Variants in ADAMTS2 observed in about 807,000 individuals in gnomAD.
The protein encoded by ADAMTS2 is A disintegrin and metalloproteinase with thrombospondin motifs 2.
A neutral mutation model predicts 123.0 loss-of-function variants in ADAMTS2; 50 were observed. The ratio of observed to expected loss-of-function variants is 0.41; its 90% CI spans 0.32 to 0.51. ADAMTS2 has a LOEUF of 0.51. Among genes scored for constraint, ADAMTS2 ranks in the 20% least tolerant of loss-of-function variants. ADAMTS2 has a pLI of 0.35. For synonymous variants in ADAMTS2, 678 were observed against 695.4 expected (o/e 0.98, Z 0.39); for missense variants, 1,494 against 1,705.2 (o/e 0.88, Z 2.18).
Position 179,341,543 on chromosome 5 carries a change from T to TAA in ADAMTS2, c.534+2222_534+2223dup, listed in dbSNP as rs71589501. On this transcript the variant is annotated intron_variant, in intron 2 of 21. Transcript: ENST00000251582. ...GTGAAACACCGTCTCTACTAAAAAT[T>TAA]AAAAAAAAAATAAAAAAAAATTAGC... Among the ~76,000 whole-genome samples the TAA allele has an allele frequency of 7.4e-5, 11 of 148,374 alleles. No homozygotes were observed. The East Asian group carries it at 1.6e-3, about 21-fold the overall frequency.
At chr5:179,274,544 C>T (rs544242591) in intron 2 of ADAMTS2, among the ~76,000 whole-genome samples, 2 of 152,240 alleles carry the variant, frequency 1.3e-5, no homozygotes, top group Non-Finnish European at 1.5e-5. Context: ...CCACACCCCC[C>T]CCAAAGTAAC....
intron 10 of ADAMTS2, among the ~76,000 whole-genome samples, chr5:179,145,813 T>C (rs925475184): frequency 1.3e-5 from 2 of 152,214 alleles, no homozygotes; most frequent in Non-Finnish European, 2.9e-5. Context: ...TAAAACTCTA[T>C]GAATACACTG....
chr5:179,136,814 C>A (rs1763074229), intron 12 of ADAMTS2, among the ~76,000 whole-genome samples: 1 of 149,942 alleles, frequency 6.7e-6, no homozygotes, highest in African/African-American at 2.5e-5. Context: ...ACAAAAAATG[C>A]AAAAATTTAG....
At chr5:179,300,479 T>C (rs1008695253) in intron 2 of ADAMTS2, among the ~76,000 whole-genome samples, 1 of 152,198 alleles carries the variant, frequency 6.6e-6, no homozygotes, top group African/African-American at 2.4e-5. Context: ...TTGTAAACAA[T>C]GGAAAACTAA....
rs371800925 is a variant in ADAMTS2, at chr5:179,176,199, G to C, written c.975+4873C>G. On this transcript the variant is annotated intron_variant, in intron 5 of 21. Transcript: ENST00000251582. ...GTTGTCCTGTTGCCCTCTGTTACTA[G>C]TTTTCTGGGGATCTGGAAAAGGAGG... 3.9e-4 allele frequency among the ~76,000 whole-genome samples: 60 copies of C among 152,250 alleles called. No individual in the cohort carries two copies. The South Asian group carries it at 0.012, about 29-fold the overall frequency.
rs1262682064 is a variant in ADAMTS2, at chr5:179,202,848, A to G, written c.891+4665T>C. ...GGAGACAGAGATGGAGGGGACTCCA[A>G]GCTCTTACCAGCCTTGGTCCACAGG... On this transcript the variant is annotated intron_variant, in intron 4 of 21. Coordinates refer to ENST00000251582, the MANE Select transcript of ADAMTS2 (RefSeq NM_014244.5). The surrounding 1 kb of genome is among the most constrained non-coding windows in gnomAD (Gnocchi z 4.0). 3.3e-5 allele frequency among the ~76,000 whole-genome samples: 5 copies of G among 152,286 alleles called. No individual in the cohort carries two copies. Among genetic ancestry groups the G allele is most frequent in the African/African-American group, 1.2e-4 (5 of 41,560 alleles).
intron 10 of ADAMTS2, among the ~76,000 whole-genome samples, chr5:179,149,646 G>C (rs1169995303): frequency 6.6e-6 from 1 of 152,212 alleles, no homozygotes; most frequent in Non-Finnish European, 1.5e-5. Context: ...GGGTGGGAGA[G>C]AAGATGATTG....
chr5:179,163,021 C>T (rs980414763), intron 5 of ADAMTS2, among the ~76,000 whole-genome samples: 2 of 152,152 alleles, frequency 1.3e-5, no homozygotes, highest in African/African-American at 4.8e-5. Context: ...AGTCAAGAGT[C>T]CAGCCAGAAA....
chr5:179,124,968 C>T lies in ADAMTS2; in HGVS notation c.2958+5G>A, dbSNP rs370239549. ...CTGAGGACACGGGATCGGGGGATTG[C>T]GTACCTGGGACCAGGGCCCGGCTCG... is the stretch of plus-strand genomic sequence containing the variant. On this transcript the variant is annotated splice_donor_5th_base_variant and intron_variant, in intron 19 of 21. Transcript: ENST00000251582. The T allele has an allele frequency of 1.6e-5, 25 of 1,601,492 alleles. No individual in the cohort carries two copies. Among genetic ancestry groups the T allele is most frequent in the Admixed American group, 1.0e-4 (6 of 57,168 alleles).
At chr5:179,273,355 C>T (rs955352391) in intron 2 of ADAMTS2, among the ~76,000 whole-genome samples, 1 of 152,014 alleles carries the variant, frequency 6.6e-6, no homozygotes, top group African/African-American at 2.4e-5. Flanking sequence ...AAAGTCAAAA[C>T]CGTCCAGAGA....
intron 2 of ADAMTS2, among the ~76,000 whole-genome samples, chr5:179,278,637 T>C (rs1410158967): frequency 6.6e-6 from 1 of 151,992 alleles, no homozygotes; most frequent in Non-Finnish European, 1.5e-5. Flanking sequence ...TGGCTCTAAG[T>C]GTGAGTCCCA....
intron 2 of ADAMTS2, among the ~76,000 whole-genome samples, chr5:179,286,733 C>T (rs748807678): frequency 3.3e-5 from 5 of 152,290 alleles, no homozygotes; most frequent in Admixed American, 1.3e-4. Context: ...CAGCACAGGC[C>T]GGGGCTTGAA....
intron 5 of ADAMTS2, among the ~76,000 whole-genome samples, chr5:179,167,149 C>G (rs1418261048): frequency 6.6e-6 from 1 of 152,202 alleles, no homozygotes; most frequent in African/African-American, 2.4e-5. Context: ...CTTCATTTTC[C>G]TACCTTCCGG....
chr5:179,253,319 C>CT (rs1765968986), intron 3 of ADAMTS2, among the ~76,000 whole-genome samples: 1 of 152,062 alleles, frequency 6.6e-6, no homozygotes, highest in South Asian at 2.1e-4. Flanking sequence ...TTTTTCTGTC[C>CT]TTTTTTCTCC....
At chr5:179,336,613 T>C (rs1427277414) in intron 2 of ADAMTS2, among the ~76,000 whole-genome samples, 1 of 152,164 alleles carries the variant, frequency 6.6e-6, no homozygotes, top group Non-Finnish European at 1.5e-5. Context: ...CCGTAACCGA[T>C]GGCACCTTAG....
At chr5:179,121,611 G>A in intron 21 of ADAMTS2, 50 bp downstream of exon 21, 4 of 1,472,234 alleles carry the variant, frequency 2.7e-6, no homozygotes, top group Non-Finnish European at 3.7e-6. Context: ...TCCACAGGGC[G>A]CAGGGCATGC....
At chr5:179,223,639 CACACACAT>C (rs1334155292) in intron 3 of ADAMTS2, among the ~76,000 whole-genome samples, 1 of 86,788 alleles carries the variant, frequency 1.2e-5, no homozygotes, top group Non-Finnish European at 2.6e-5. Context: ...CATGAATGCA[CACACACAT>C]ACACTCACAG....
intron 3 of ADAMTS2, among the ~76,000 whole-genome samples, chr5:179,216,499 T>C (rs1764984164): frequency 2.1e-5 from 3 of 143,534 alleles, no homozygotes. Flanking sequence ...CCTCTGACCG[T>C]ATTTCCGCTG....
intron 6 of ADAMTS2, among the ~76,000 whole-genome samples, chr5:179,157,548 C>T (rs566041412): frequency 4.0e-4 from 59 of 148,586 alleles, no homozygotes; most frequent in African/African-American, 1.4e-3. Context: ...GACAAGGCCT[C>T]GCTCTGTCAC....
Sources: allele counts gnomAD v4.1 joint callset (sites outside exome capture counted in the v4.1 genomes callset), GRCh38; gene constraint gnomAD v4.1.1; non-coding constraint Gnocchi (gnomAD v3.1); transcripts MANE v1.5; gene names NCBI Gene and HGNC (gene_info 2026-07-23, HGNC 2026-07-21).